Variants in DPH6 observed in about 807,000 individuals in gnomAD.
DPH6 encodes diphthamine biosynthesis 6.
Under a neutral mutation model 38.2 loss-of-function variants are expected in DPH6, and 33 were observed. The observed-to-expected ratio is 0.86, with a 90% CI of 0.65 to 1.15. The LOEUF (loss-of-function observed/expected upper bound fraction) is 1.15. Ranked by LOEUF, DPH6 falls within the 50% of genes most tolerant of loss-of-function variation. The pLI is 0.00. For missense variants in DPH6, 325 were observed against 320.0 expected (o/e 1.02, Z -0.12); for synonymous variants, 108 against 103.0 (o/e 1.05, Z -0.30).
the DPH6 span, among the ~76,000 whole-genome samples, chr15:35,155,929 C>G: frequency 6.6e-6 from 1 of 152,056 alleles, no homozygotes; most frequent in African/African-American, 2.4e-5. Context: ...TTATCTATTA[C>G]AGTGTCATCT....
Position 35,538,469 on chromosome 15 carries a change from T to C in DPH6, c.119-2A>G, listed in dbSNP as rs1184085374. 2 of 1,505,206 alleles carry C rather than the reference T, an allele frequency of 1.3e-6. No individual in the cohort carries two copies. Among genetic ancestry groups the C allele is most frequent in the Admixed American group, 3.7e-5 (2 of 54,290 alleles). The allele number at this position is 1,505,206 out of a possible 1,614,324, so 93.2% of individuals were successfully genotyped here. On this transcript the variant is annotated splice_acceptor_variant, in intron 2 of 8. Coordinates refer to ENST00000256538, the MANE Select transcript of DPH6 (RefSeq NM_080650.4). LOFTEE classifies it high-confidence loss of function. ...AGCTATCCAGTTCATCAGACCCCACTGCAACAATTAAAATGGAAATAATTA... is the reference window on the plus strand; with the variant it reads ...AGCTATCCAGTTCATCAGACCCCACCGCAACAATTAAAATGGAAATAATTA...
intron 5 of DPH6, among the ~76,000 whole-genome samples, chr15:35,435,425 A>T (rs948496539): frequency 6.6e-6 from 1 of 152,226 alleles, no homozygotes; most frequent in East Asian, 1.9e-4. Context: ...CAGAAAAGGG[A>T]ACCTGCACAG....
the DPH6 span, among the ~76,000 whole-genome samples, chr15:35,158,013 C>T: frequency 6.6e-6 from 1 of 151,934 alleles, no homozygotes; most frequent in Non-Finnish European, 1.5e-5. Flanking sequence ...AAAATACTTT[C>T]ATTTTCAGTC....
chr15:35,494,875 G>A (rs1053060311), intron 3 of DPH6, among the ~76,000 whole-genome samples: 4 of 151,958 alleles, frequency 2.6e-5, no homozygotes, highest in African/African-American at 9.6e-5. Flanking sequence ...CCTACAGCAA[G>A]TACCATACTT....
chr15:35,412,140 A>C (rs1363085912), intron 5 of DPH6, among the ~76,000 whole-genome samples: 1 of 151,650 alleles, frequency 6.6e-6, no homozygotes, highest in African/African-American at 2.4e-5. Flanking sequence ...TATACAAAGA[A>C]CTCTTAAAAC....
chr15:35,449,851 T>C (rs1189593266), intron 5 of DPH6, among the ~76,000 whole-genome samples: 3 of 152,118 alleles, frequency 2.0e-5, no homozygotes, highest in Non-Finnish European at 2.9e-5. Context: ...CTATTTCTCT[T>C]AATTTTATTT....
chr15:35,275,898 G>T (rs2051855070), intron 3 of DPH6, among the ~76,000 whole-genome samples: 1 of 152,086 alleles, frequency 6.6e-6, no homozygotes, highest in Non-Finnish European at 1.5e-5. Flanking sequence ...GAATTGTGCT[G>T]CTGTAAACTT....
chr15:35,307,089 T>C (rs184509018), intron 3 of DPH6, among the ~76,000 whole-genome samples: 79 of 152,290 alleles, frequency 5.2e-4, no homozygotes, highest in Non-Finnish European at 8.2e-4. Context: ...TAAAAAGCTG[T>C]AATCTAGTAT....
At chr15:35,271,332 T>G (rs2051821304) in intron 3 of DPH6, among the ~76,000 whole-genome samples, 1 of 152,226 alleles carries the variant, frequency 6.6e-6, no homozygotes, top group Non-Finnish European at 1.5e-5. Context: ...TGGGTAGCTT[T>G]CATTTCATAA....
intron 3 of DPH6, among the ~76,000 whole-genome samples, chr15:35,331,647 G>C (rs947076237): frequency 1.3e-5 from 2 of 152,180 alleles, no homozygotes; most frequent in African/African-American, 2.4e-5. Context: ...AGGAGAATGA[G>C]ACAGGGAAGG....
At chr15:35,216,847 C>T (rs993305274), downstream of DPH6, among the ~76,000 whole-genome samples, 2 of 152,118 alleles carry the variant, frequency 1.3e-5, no homozygotes, top group African/African-American at 2.4e-5. Flanking sequence ...AGTGGGTTGA[C>T]ATAGAGGGCC....
chr15:35,185,537 T>C, the DPH6 span, among the ~76,000 whole-genome samples: 1 of 152,122 alleles, frequency 6.6e-6, no homozygotes. Context: ...AGAGTTGTTG[T>C]TTTTCAGTAA....
the DPH6 span, among the ~76,000 whole-genome samples, chr15:35,152,646 T>C: frequency 0.011 from 1,671 of 152,228 alleles, 36 homozygotes; most frequent in African/African-American, 0.038. Context: ...ACTACAGGCA[T>C]GTGCCACCAC....
chr15:35,199,128 T>A, the DPH6 span, among the ~76,000 whole-genome samples: 7 of 152,202 alleles, frequency 4.6e-5, no homozygotes, highest in South Asian at 1.4e-3. Context: ...CCATGTTGGC[T>A]AGGCTAACTT....
At chr15:35,526,801 G>GA (rs907446845) in intron 3 of DPH6, among the ~76,000 whole-genome samples, 26 of 152,002 alleles carry the variant, frequency 1.7e-4, no homozygotes, top group Non-Finnish European at 2.4e-4. Flanking sequence ...AATTTTAATG[G>GA]AAAAAAATCA....
intron 3 of DPH6, among the ~76,000 whole-genome samples, chr15:35,349,751 A>C (rs1438681308): frequency 6.6e-6 from 1 of 152,144 alleles, no homozygotes; most frequent in African/African-American, 2.4e-5. Flanking sequence ...GTTTTTGTCC[A>C]TTATTTTGTT....
intron 3 of DPH6, among the ~76,000 whole-genome samples, chr15:35,234,745 C>T (rs2051540099): frequency 6.6e-6 from 1 of 152,166 alleles, no homozygotes; most frequent in Non-Finnish European, 1.5e-5. Context: ...TGTATCAATG[C>T]AAGTAATTCA....
At chr15:35,338,983 G>A (rs1409030103) in intron 3 of DPH6, among the ~76,000 whole-genome samples, 4 of 151,854 alleles carry the variant, frequency 2.6e-5, no homozygotes, top group Non-Finnish European at 5.9e-5. Flanking sequence ...ATTGAACAAT[G>A]AGAACACTTG....
chr15:35,351,702 G>A lies in DPH6; in HGVS notation n.208-20625C>T, dbSNP rs138806726. ...TACTCCTCCCCAACACACATTTTAT[G>A]TAATTGATGTCAGACTTCTTTTTTT... On this transcript the variant is annotated intron_variant and non_coding_transcript_variant, in intron 3 of 3. Transcript: ENST00000558973. Among the ~76,000 whole-genome samples, 1,052 of 149,802 alleles carry A rather than the reference G, an allele frequency of 7.0e-3. 14 individuals are homozygous for A. The highest frequency in any genetic ancestry group is 0.024 in the African/African-American group (979 of 40,902).
Sources: allele counts gnomAD v4.1 joint callset (sites outside exome capture counted in the v4.1 genomes callset), GRCh38; gene constraint gnomAD v4.1.1; transcripts MANE v1.5; gene names NCBI Gene and HGNC (gene_info 2026-07-23, HGNC 2026-07-21).